RNF212B: variants seen among roughly 807,000 people sequenced by gnomAD.
The protein encoded by RNF212B is E3 ubiquitin-protein ligase RNF212B.
In RNF212B, 52 loss-of-function variants were observed where a neutral mutation model predicts 55.5. That is an observed-to-expected ratio of 0.94 (90% CI 0.75 to 1.18). The LOEUF (loss-of-function observed/expected upper bound fraction) is 1.18, where lower values mean the gene tolerates loss of function less well. Ranked by LOEUF, RNF212B falls within the 50% of genes most tolerant of loss-of-function variation. RNF212B has a pLI of 0.00. For synonymous variants in RNF212B, 99 were observed against 121.4 expected, an observed-to-expected ratio of 0.82 and a Z score of 1.21; for missense variants, 289 against 350.4, an observed-to-expected ratio of 0.82 and a Z score of 1.40.
At chr14:23,248,325 A>G (rs1884139270) in intron 4 of RNF212B, among the ~76,000 whole-genome samples, 2 of 149,248 alleles carry the variant, frequency 1.3e-5, no homozygotes, top group South Asian at 4.3e-4. Flanking sequence ...TAATAGATAC[A>G]GGGTTTTACC....
In RNF212B at chr14:23,262,943, GT is replaced by G; in HGVS notation, c.500del (p.Phe167SerfsTer100). On this transcript the variant is annotated frameshift_variant, in exon 9 of 15. Transcript: ENST00000430154. LOFTEE classifies it high-confidence loss of function. ...SPSQSVTPRP[S>X]FQHSSQVVSR... ...TCTCTTTCAGTTACCCCACGACCCA[GT>G]TTCCAGCATAGCAGTCAAGTGGTCA... The G allele has an allele frequency of 6.4e-7, 1 of 1,550,520 alleles. No individual in the cohort carries two copies.
intron 2 of RNF212B, among the ~76,000 whole-genome samples, chr14:23,231,933 C>A (rs1432992233): frequency 7.6e-6 from 1 of 130,938 alleles, no homozygotes; most frequent in African/African-American, 3.3e-5. Context: ...GAGTCTCGTT[C>A]ACTCAGTGCT....
chr14:23,256,610 G>A (rs1884852551), intron 4 of RNF212B, among the ~76,000 whole-genome samples: 3 of 152,090 alleles, frequency 2.0e-5, no homozygotes, highest in Non-Finnish European at 2.9e-5. Context: ...GACCTCAAGT[G>A]ATCTGCCCAC....
At chr14:23,241,108 T>A (rs1249739386) in intron 2 of RNF212B, among the ~76,000 whole-genome samples, 2 of 152,094 alleles carry the variant, frequency 1.3e-5, no homozygotes, top group Non-Finnish European at 1.5e-5. Context: ...GGGTAGGGTG[T>A]TTTGATCACG....
chr14:23,267,500 C>T (rs1189389508), intron 11 of RNF212B, among the ~76,000 whole-genome samples: 1 of 151,932 alleles, frequency 6.6e-6, no homozygotes, highest in Non-Finnish European at 1.5e-5. Context: ...AAAATCTTGG[C>T]TCACTGCAAC....
intron 2 of RNF212B, among the ~76,000 whole-genome samples, chr14:23,202,759 G>T (rs1268610078): frequency 6.6e-6 from 1 of 151,656 alleles, no homozygotes; most frequent in African/African-American, 2.4e-5. Flanking sequence ...GCTGAGGCAG[G>T]AGAATGGCGT....
intron 2 of RNF212B, among the ~76,000 whole-genome samples, chr14:23,212,018 G>A (rs1002989974): frequency 1.3e-5 from 2 of 151,912 alleles, no homozygotes; most frequent in Admixed American, 6.6e-5. Context: ...ATGAGCCACC[G>A]TGCCTGACCA....
At chr14:23,232,555 G>T (rs1882748904) in intron 2 of RNF212B, among the ~76,000 whole-genome samples, 1 of 151,818 alleles carries the variant, frequency 6.6e-6, no homozygotes, top group South Asian at 2.1e-4. Context: ...GGAGGTGGGG[G>T]TCAGCCCCCG....
chr14:23,233,332 G>A (rs1047217282), upstream of RNF212B, among the ~76,000 whole-genome samples: 7 of 151,288 alleles, frequency 4.6e-5, no homozygotes, highest in African/African-American at 1.7e-4. Context: ...TTTATTGGCT[G>A]ACCTTCCCTC....
Position 23,223,154 on chromosome 14 carries a change from G to A in RNF212B, c.-1-17191G>A, listed in dbSNP as rs114752063. On this transcript the variant is annotated intron_variant, in intron 2 of 15. Transcript: ENST00000399910. ...TCAGATATGCAAATCAATATACGTC[G>A]TACATCATATCAATAGAACGAAGGA... Among the ~76,000 whole-genome samples the A allele has an allele frequency of 8.9e-3, 1,347 of 151,822 alleles. 24 individuals carry two copies. Among genetic ancestry groups the A allele is most frequent in the African/African-American group, 0.031 (1,268 of 41,380 alleles).
intron 11 of RNF212B, 23 bp from the exon 12 acceptor site, chr14:23,268,901 A>C (rs1223206999): frequency 6.5e-7 from 1 of 1,545,992 alleles, no homozygotes; most frequent in Admixed American, 2.0e-5. Context: ...ATTATCTCAC[A>C]GGCTTATTTT....
At chr14:23,269,083 T>A in intron 12 of RNF212B, 120 bp downstream of exon 12, 1 of 731,200 alleles carries the variant, frequency 1.4e-6, no homozygotes. Context: ...GGAGGGTGGA[T>A]CACTTGAGGT....
intron 2 of RNF212B, among the ~76,000 whole-genome samples, chr14:23,227,857 C>G (rs118158815): frequency 7.2e-5 from 11 of 152,026 alleles, no homozygotes; most frequent in Admixed American, 5.9e-4. Flanking sequence ...CCTCAGCCCC[C>G]CGAAGTGCTG....
chr14:23,233,766 T>G (rs1383454303), upstream of RNF212B, among the ~76,000 whole-genome samples: 1 of 145,556 alleles, frequency 6.9e-6, no homozygotes, highest in African/African-American at 2.5e-5. Context: ...AAAAAAGAGT[T>G]CTCAAAACTC....
chr14:23,195,266 G>GA (rs398056931), intron 2 of RNF212B, among the ~76,000 whole-genome samples: 4,790 of 127,434 alleles, frequency 0.038, 229 homozygotes, highest in African/African-American at 0.12. Flanking sequence ...TGTCTCTAAA[G>GA]AAAAAAAAAA....
rs1213572466 is a variant in RNF212B at position 23,258,596 on chromosome 14, T to C, written c.276T>C (p.Tyr92=). The change falls in exon 5 of 15, where the codon TAT becomes TAC. Residue 92 remains tyrosine (Y), a synonymous_variant. Coordinates refer to ENST00000430154, the MANE Select transcript of RNF212B (RefSeq NM_001282322.3). ...AAACAGATCTCCTCATCGCCTTTTA[T>C]AAGCATAGAATTACAAAGTTAGAAA... ...KKQTDLLIAF[Y]KHRITKLETA... is the part of the protein sequence containing the mutation. 1.9e-6 allele frequency: 3 copies of C among 1,545,132 alleles called. No homozygotes were observed. The Admixed American group carries it at 6.0e-5, about 31-fold the overall frequency.
At chr14:23,221,513 A>G (rs1181938795) in intron 2 of RNF212B, among the ~76,000 whole-genome samples, 1 of 152,238 alleles carries the variant, frequency 6.6e-6, no homozygotes, top group Non-Finnish European at 1.5e-5. Context: ...TTAGAGCTAA[A>G]GAGAAAGACA....
rs574172553 is a variant in RNF212B at position 23,197,215 on chromosome 14, T to G, written c.-2+3814T>G. 9.2e-5 allele frequency among the ~76,000 whole-genome samples: 14 copies of G among 152,280 alleles called. 1 individual carries two copies. The South Asian group carries it at 1.9e-3, about 20-fold the overall frequency. ...ACATAAGTGGTCACTGATGTTATCATCCAGAAAGGGTGAGAAAAATATAAC... is the reference window on the plus strand; with the variant it reads ...ACATAAGTGGTCACTGATGTTATCAGCCAGAAAGGGTGAGAAAAATATAAC... On this transcript the variant is annotated intron_variant, in intron 2 of 15. Transcript: ENST00000399910.
intron 4 of RNF212B, among the ~76,000 whole-genome samples, chr14:23,248,096 G>C (rs940119631): frequency 6.6e-6 from 1 of 152,028 alleles, no homozygotes; most frequent in African/African-American, 2.4e-5. Flanking sequence ...TGGCAAACAG[G>C]CTCCTTCAAG....
Sources: gnomAD v4.1 joint callset for allele counts (sites outside exome capture counted in the v4.1 genomes callset) on GRCh38, gnomAD v4.1.1 for gene constraint, MANE v1.5 for transcripts, NCBI Gene and HGNC (gene_info 2026-07-23, HGNC 2026-07-21) for gene names.